The following ARMC9 variants were observed in gnomAD, a reference collection of about 807,000 sequenced individuals.
The protein encoded by ARMC9 is lisH domain-containing protein ARMC9.
ARMC9 carries 94 observed loss-of-function variants against 107.0 expected under a neutral mutation model. The ratio of observed to expected loss-of-function variants is 0.88; its 90% CI spans 0.74 to 1.04. The LOEUF is 1.04. Ranked by LOEUF, ARMC9 falls within the 50% of genes least tolerant of loss-of-function variation. ARMC9 has a pLI of 0.00. For missense variants in ARMC9, 942 were observed against 1,030.1 expected (o/e 0.91, Z 1.17); for synonymous variants, 380 against 396.9 (o/e 0.96, Z 0.51).
chr2:231,304,726 A>G (rs1257376874), intron 19 of ARMC9, among the ~76,000 whole-genome samples: 1 of 152,222 alleles, frequency 6.6e-6, no homozygotes, highest in Non-Finnish European at 1.5e-5. Flanking sequence ...ATTATATAAC[A>G]TAAGAAATTG....
At chr2:231,328,534 GTTT>G (rs779466489) in intron 19 of ARMC9, among the ~76,000 whole-genome samples, 1 of 152,162 alleles carries the variant, frequency 6.6e-6, no homozygotes, top group Non-Finnish European at 1.5e-5. Flanking sequence ...TTGAGGTTCA[GTTT>G]TTTTCCTACA....
At chr2:231,352,690 GATA>G (rs1207801320) in intron 21 of ARMC9, among the ~76,000 whole-genome samples, 8 of 151,322 alleles carry the variant, frequency 5.3e-5, no homozygotes, top group Non-Finnish European at 8.8e-5. Flanking sequence ...TAGATAGATA[GATA>G]GATAGATAGA....
intron 21 of ARMC9, among the ~76,000 whole-genome samples, chr2:231,349,596 A>G (rs754631852): frequency 5.3e-5 from 8 of 152,094 alleles, no homozygotes; most frequent in Non-Finnish European, 1.0e-4. Flanking sequence ...AACCTGGCCA[A>G]CGTGGTAAAA....
At chr2:231,318,091 G>C (rs527740999) in intron 19 of ARMC9, among the ~76,000 whole-genome samples, 1 of 151,584 alleles carries the variant, frequency 6.6e-6, no homozygotes, top group Non-Finnish European at 1.5e-5. Context: ...ACAACCAGAC[G>C]TTATAGATAA....
In ARMC9 at chr2:231,234,539, A is replaced by G. The variant is rs114768700; in HGVS notation, c.623-685A>G. 5.6e-3 allele frequency among the ~76,000 whole-genome samples: 848 copies of G among 152,356 alleles called. 7 individuals carry two copies. Among genetic ancestry groups the G allele is most frequent in the African/African-American group, 0.019 (796 of 41,576 alleles). ...GTCCCCCAGACAACTTCATAATACA[A>G]AAACAGAGAAAAAGACACAGGTTTG... On this transcript the variant is annotated intron_variant, in intron 7 of 24. Transcript: ENST00000611582.
At chr2:231,292,452 C>T (rs1574974889) in intron 18 of ARMC9, among the ~76,000 whole-genome samples, 1 of 152,134 alleles carries the variant, frequency 6.6e-6, no homozygotes, top group Admixed American at 6.5e-5. Flanking sequence ...TCATTCACTG[C>T]AGAAAAACTG....
chr2:231,316,752 T>C (rs1054274804), intron 19 of ARMC9, among the ~76,000 whole-genome samples: 3 of 152,210 alleles, frequency 2.0e-5, no homozygotes, highest in African/African-American at 7.2e-5. Flanking sequence ...TTTTGTCTTC[T>C]GGCTTCCATT....
chr2:231,278,558 G>T, intron 16 of ARMC9, 100 bp downstream of exon 16: 1 of 1,049,714 alleles, frequency 9.5e-7, no homozygotes, highest in Non-Finnish European at 1.5e-6. Flanking sequence ...GATGGTTGCT[G>T]TATTTGAAAA....
At chr2:231,270,912 C>A (rs878945046) in intron 12 of ARMC9, 70 bp from the exon 13 acceptor site, 1 of 1,336,174 alleles carries the variant, frequency 7.5e-7, no homozygotes, top group Non-Finnish European at 1.1e-6. Context: ...ACTACCAGAC[C>A]CGAAGAGGAG....
At chr2:231,337,801 C>G (rs1272150542) in intron 20 of ARMC9, among the ~76,000 whole-genome samples, 1 of 152,194 alleles carries the variant, frequency 6.6e-6, no homozygotes, top group Non-Finnish European at 1.5e-5. Flanking sequence ...TATCTTGAAT[C>G]CTTTTCGTTT....
Position 231,328,815 on chromosome 2 carries a change from TTTTC to T in ARMC9, c.1774-2974_1774-2971del, listed in dbSNP as rs1158631594. 2.4e-5 allele frequency among the ~76,000 whole-genome samples: 3 copies of T among 127,394 alleles called. 1 individual carries two copies. The highest frequency in any genetic ancestry group is 5.1e-5 in the Non-Finnish European group (3 of 58,566). The allele number at this position is 127,394 out of a possible 152,430, so 83.6% of individuals were successfully genotyped here. A position where few individuals can be genotyped will look rare whatever the true frequency, so the allele number is the denominator to read the frequency against. Reference sequence around the variant, plus strand: ...GCGTGTTCAATTTTCTTTTCTTTTCTTTTCTTTTTTTTTTTTTGAGTCGGAGTCT... The same window carrying T: ...GCGTGTTCAATTTTCTTTTCTTTTCTTTTTTTTTTTTTTGAGTCGGAGTCT... On this transcript the variant is annotated intron_variant, in intron 19 of 24. Transcript: ENST00000611582.
rs1299878585 is a variant in ARMC9, at chr2:231,355,838, G to A, written c.2035G>A (p.Ala679Thr). The change falls in exon 22 of 25, where the codon GCC becomes ACC. Residue 679 changes from alanine (A) to threonine (T), a missense_variant. Ala to Thr is a moderately conservative substitution (Grantham distance 58). Coordinates refer to ENST00000611582, the MANE Select transcript of ARMC9 (RefSeq NM_001352754.2). ...QHTPPQTAQH[A>T]RNGHPQALPA... ...CACACCTCCCCAGACAGCCCAGCAC[G>A]CCAGAAACGGCCACCCGCAGGCCCT... The A allele has an allele frequency of 2.1e-5, 33 of 1,535,964 alleles. No individual in the cohort carries two copies. The highest frequency in any genetic ancestry group is 1.7e-4 in the Middle Eastern group (1 of 6,008).
chr2:231,366,878 T>C (rs1357072100), intron 23 of ARMC9, among the ~76,000 whole-genome samples: 1 of 149,336 alleles, frequency 6.7e-6, no homozygotes, highest in Non-Finnish European at 1.5e-5. Context: ...TGAGACGGAG[T>C]CTCGCTCTGT....
At chr2:231,265,338 AC>A (rs1236103002) in intron 12 of ARMC9, among the ~76,000 whole-genome samples, 1 of 152,156 alleles carries the variant, frequency 6.6e-6, no homozygotes, top group Admixed American at 6.5e-5. Flanking sequence ...AAGATTTGGA[AC>A]CAACCTAAGT....
chr2:231,228,999 ATTGTC>A (rs533724692), intron 7 of ARMC9, among the ~76,000 whole-genome samples: 199 of 152,226 alleles, frequency 1.3e-3, no homozygotes, highest in African/African-American at 4.3e-3. Flanking sequence ...AAATAAAAGA[ATTGTC>A]TTTCTCTACA....
At chr2:231,347,144 A>G (rs974488595) in intron 21 of ARMC9, among the ~76,000 whole-genome samples, 4 of 152,022 alleles carry the variant, frequency 2.6e-5, no homozygotes, top group East Asian at 3.9e-4. Context: ...GAGCACATCT[A>G]TCTCCCCTCT....
chr2:231,305,432 A>G (rs1294214065), intron 19 of ARMC9, among the ~76,000 whole-genome samples: 1 of 152,236 alleles, frequency 6.6e-6, no homozygotes, highest in Non-Finnish European at 1.5e-5. Flanking sequence ...TACATAAGAG[A>G]TCTTTGTGAT....
intron 12 of ARMC9, among the ~76,000 whole-genome samples, chr2:231,264,368 G>A (rs1323396439): frequency 2.0e-5 from 3 of 151,594 alleles, no homozygotes; most frequent in South Asian, 2.1e-4. Flanking sequence ...TAGTAGAGAC[G>A]GGATTTCACT....
chr2:231,210,353 G>A (rs748263961), intron 3 of ARMC9, among the ~76,000 whole-genome samples: 9 of 152,228 alleles, frequency 5.9e-5, no homozygotes, highest in Non-Finnish European at 5.9e-5. Flanking sequence ...ATAGTCATTA[G>A]TAGAGGTGAA....
Sources: allele counts gnomAD v4.1 joint callset (sites outside exome capture counted in the v4.1 genomes callset), GRCh38; gene constraint gnomAD v4.1.1; transcripts MANE v1.5; gene names NCBI Gene and HGNC (gene_info 2026-07-23, HGNC 2026-07-21).